Variants in PMS1 observed in about 807,000 individuals in gnomAD.
PMS1 encodes the protein PMS1 homolog 1, mismatch repair system component, also known as PMS1 protein homolog 1.
PMS1 carries 79 observed loss-of-function variants against 93.1 expected under a neutral mutation model. That is an observed-to-expected ratio of 0.85 (90% CI 0.71 to 1.02). PMS1 has a LOEUF of 1.02. PMS1 is among the 50% of genes least tolerant of loss of function. The pLI is 0.00. For missense variants in PMS1, 1,064 were observed against 1,085.3 expected (o/e 0.98, Z 0.28); for synonymous variants, 335 against 363.4 (o/e 0.92, Z 0.89).
At chr2:189,850,994 G>A (rs889801179) in intron 6 of PMS1, among the ~76,000 whole-genome samples, 2 of 152,244 alleles carry the variant, frequency 1.3e-5, no homozygotes, top group African/African-American at 2.4e-5. Context: ...AGGAAATTGA[G>A]GAATACATTT....
chr2:189,828,425 C>A (rs2052639301), intron 5 of PMS1, among the ~76,000 whole-genome samples: 2 of 152,160 alleles, frequency 1.3e-5, no homozygotes, highest in Non-Finnish European at 2.9e-5. Flanking sequence ...CATTGTACCT[C>A]ATAAATGTGT....
rs773075006 is a variant in PMS1 at position 189,818,167 on chromosome 2, T to C, written c.569T>C (p.Phe190Ser). The C allele has an allele frequency of 1.9e-6, 3 of 1,592,168 alleles. No individual in the cohort carries two copies. The highest frequency in any genetic ancestry group is 1.7e-6 in the Non-Finnish European group (2 of 1,160,892). The change falls in exon 5 of 13, where the codon TTT (phenylalanine) becomes TCT (serine). Residue 190 changes from phenylalanine (F) to serine (S), a missense_variant. Phe to Ser is a radical substitution (Grantham distance 155). Coordinates refer to ENST00000441310, the MANE Select transcript of PMS1 (RefSeq NM_000534.5). ...GILKPDLRIVFVHNKAVIWQK... is the reference protein window; with the variant it reads ...GILKPDLRIVSVHNKAVIWQK... Reference sequence around the variant, plus strand: ...CTTAAACCTGACTTAAGGATTGTCTTTGTACATAACAAGGTAAACATTATT... The same window carrying C: ...CTTAAACCTGACTTAAGGATTGTCTCTGTACATAACAAGGTAAACATTATT...
chr2:189,824,129 A>G (rs556163303), intron 5 of PMS1, among the ~76,000 whole-genome samples: 1 of 152,186 alleles, frequency 6.6e-6, no homozygotes, highest in Non-Finnish European at 1.5e-5. Flanking sequence ...CATCTAAGGT[A>G]CTTTTTAAAC....
intron 9 of PMS1, among the ~76,000 whole-genome samples, chr2:189,855,655 GGCTT>G (rs1403553021): frequency 6.6e-6 from 1 of 151,688 alleles, no homozygotes; most frequent in Non-Finnish European, 1.5e-5. Flanking sequence ...TATAACTTAA[GGCTT>G]GCTTCTAAGA....
chr2:189,811,295 A>G (rs2050826310), intron 4 of PMS1, among the ~76,000 whole-genome samples: 3 of 151,622 alleles, frequency 2.0e-5, no homozygotes. Context: ...AAAAAAAAAA[A>G]AAAGTCTGAG....
intron 1 of PMS1, among the ~76,000 whole-genome samples, chr2:189,785,155 A>G (rs1400297539): frequency 1.3e-5 from 2 of 152,188 alleles, no homozygotes; most frequent in Non-Finnish European, 2.9e-5. Context: ...TGTGATTTTT[A>G]TTGCCGAAAT....
chr2:189,795,301 A>C (rs181338610), intron 2 of PMS1, among the ~76,000 whole-genome samples: 4 of 152,228 alleles, frequency 2.6e-5, no homozygotes, highest in Non-Finnish European at 4.4e-5. Flanking sequence ...AAAACAAAAA[A>C]CAAAATAAAT....
intron 5 of PMS1, among the ~76,000 whole-genome samples, chr2:189,842,500 G>C (rs1293521685): frequency 6.6e-6 from 1 of 152,168 alleles, no homozygotes; most frequent in Non-Finnish European, 1.5e-5. Flanking sequence ...ATCTGATTAT[G>C]TACTTCACAG....
intron 4 of PMS1, among the ~76,000 whole-genome samples, chr2:189,816,014 TCA>T (rs1293045645): frequency 7.9e-5 from 12 of 152,098 alleles, no homozygotes; most frequent in Non-Finnish European, 1.2e-4. Flanking sequence ...AGGGATCCTC[TCA>T]CAGCCTCCCA....
At chr2:189,815,209 G>A (rs1405242938) in intron 4 of PMS1, among the ~76,000 whole-genome samples, 5 of 152,026 alleles carry the variant, frequency 3.3e-5, no homozygotes, top group Admixed American at 1.3e-4. Flanking sequence ...CAATTCTGAT[G>A]TCCTCTAGGA....
At chr2:189,830,343 G>T (rs2052813953) in intron 5 of PMS1, among the ~76,000 whole-genome samples, 2 of 152,072 alleles carry the variant, frequency 1.3e-5, no homozygotes, top group Non-Finnish European at 2.9e-5. Flanking sequence ...CATGCTTCCA[G>T]CTCAGGACTG....
chr2:189,837,245 C>T (rs898447011), intron 5 of PMS1, among the ~76,000 whole-genome samples: 1 of 151,570 alleles, frequency 6.6e-6, no homozygotes, highest in Non-Finnish European at 1.5e-5. Flanking sequence ...CCCACCTCAG[C>T]CTCCTGAGTA....
At chr2:189,796,168 G>T (rs2049334816) in intron 3 of PMS1, among the ~76,000 whole-genome samples, 1 of 152,080 alleles carries the variant, frequency 6.6e-6, no homozygotes, top group African/African-American at 2.4e-5. Context: ...AGACTAGCCT[G>T]GCCAACATGG....
At chr2:189,785,336 T>C (rs1021527897) in intron 1 of PMS1, 11 of 152,224 alleles carry the variant, frequency 7.2e-5, no homozygotes, top group African/African-American at 2.4e-4. Flanking sequence ...GATCTTTACT[T>C]CTTTTTTAGG....
chr2:189,861,120 A>G (rs73042348), intron 9 of PMS1, among the ~76,000 whole-genome samples: 7,447 of 151,452 alleles, frequency 0.049, 292 homozygotes, highest in African/African-American at 0.1. Flanking sequence ...TCCTAGCTCT[A>G]TTTTGTTCTT....
chr2:189,789,239 TCTTC>T (rs1276931728), intron 1 of PMS1, among the ~76,000 whole-genome samples: 1 of 152,224 alleles, frequency 6.6e-6, no homozygotes, highest in African/African-American at 2.4e-5. Flanking sequence ...CTTTATATAT[TCTTC>T]CTTATTTGAT....
At chr2:189,852,572 T>C in intron 6 of PMS1, 83 bp from the exon 7 acceptor site, 1 of 1,227,624 alleles carries the variant, frequency 8.1e-7, no homozygotes, top group Admixed American at 1.9e-5. Context: ...TTTTTAATTT[T>C]TTTATACCTT....
chr2:189,793,092 G>A (rs2049039628), intron 2 of PMS1, among the ~76,000 whole-genome samples: 1 of 152,192 alleles, frequency 6.6e-6, no homozygotes, highest in Non-Finnish European at 1.5e-5. Context: ...TTACAGGCGT[G>A]AGCCACTCAT....
At chr2:189,790,461 T>TTCG (rs1276328495) in intron 1 of PMS1, among the ~76,000 whole-genome samples, 4 of 152,200 alleles carry the variant, frequency 2.6e-5, no homozygotes, top group Non-Finnish European at 4.4e-5. Flanking sequence ...TCTGTGAGCT[T>TTCG]TCGGTGATCT....
Sources: gnomAD v4.1 joint callset for allele counts (sites outside exome capture counted in the v4.1 genomes callset) on GRCh38, gnomAD v4.1.1 for gene constraint, MANE v1.5 for transcripts, NCBI Gene and HGNC (gene_info 2026-07-23, HGNC 2026-07-21) for gene names.